Variants in NDRG1 observed in about 807,000 individuals in gnomAD.
NDRG1 encodes N-myc downstream regulated 1.
A neutral mutation model predicts 56.9 loss-of-function variants in NDRG1; 32 were observed. The observed-to-expected ratio is 0.56, with a 90% CI of 0.42 to 0.76. The LOEUF is 0.76. Ranked by LOEUF, NDRG1 falls within the 30% of genes least tolerant of loss-of-function variation. The pLI is 0.00. For missense variants in NDRG1, 507 were observed against 545.7 expected (o/e 0.93, Z 0.71); for synonymous variants, 211 against 204.1 (o/e 1.03, Z -0.29).
At chr8:133,239,148 G>A (rs1855241895) in intron 15 of NDRG1, 29 bp from the exon 16 acceptor site, 3 of 1,550,448 alleles carry the variant, frequency 1.9e-6, no homozygotes, top group Non-Finnish European at 1.7e-6. Context: ...GCCGGTTAGA[G>A]GGCAGGAGAC....
intron 9 of NDRG1, among the ~76,000 whole-genome samples, chr8:133,252,799 G>A (rs964176857): frequency 2.8e-5 from 4 of 145,118 alleles, no homozygotes; most frequent in Admixed American, 6.9e-5. Flanking sequence ...TATTCCCCTC[G>A]TACACTCGCC....
intron 1 of NDRG1, among the ~76,000 whole-genome samples, chr8:133,285,940 C>A (rs1174235020): frequency 2.0e-5 from 3 of 152,208 alleles, no homozygotes; most frequent in Non-Finnish European, 2.9e-5. Flanking sequence ...GCCTAGGGAG[C>A]CTTCCAGAAA....
chr8:133,247,996 C>G (rs1855788034), intron 11 of NDRG1, 70 bp from the exon 12 acceptor site: 1 of 1,462,180 alleles, frequency 6.8e-7, no homozygotes, highest in African/African-American at 1.4e-5. Flanking sequence ...CCAGGCCTGC[C>G]AGGCTGGGGC....
At position 133,244,072 on chromosome 8, in the gene NDRG1, C is replaced by T. The variant is rs148462369; in HGVS notation, c.891+283G>A. 8.0e-3 allele frequency among the ~76,000 whole-genome samples: 1,219 copies of T among 152,280 alleles called. 10 individuals are homozygous for T. Among genetic ancestry groups the T allele is most frequent in the Non-Finnish European group, 0.013 (877 of 68,022 alleles). Reference sequence around the variant, plus strand: ...TGCGGCCCTTCACTCCAGCAGAAGCCCGTGGTCTTTGGGGCAGACATACCC... The same window carrying T: ...TGCGGCCCTTCACTCCAGCAGAAGCTCGTGGTCTTTGGGGCAGACATACCC... On this transcript the variant is annotated intron_variant, in intron 14 of 15. Coordinates refer to ENST00000323851, the MANE Select transcript of NDRG1 (RefSeq NM_006096.4).
intron 3 of NDRG1, among the ~76,000 whole-genome samples, chr8:133,270,708 G>T (rs1392199950): frequency 1.3e-5 from 2 of 152,228 alleles, no homozygotes; most frequent in Non-Finnish European, 2.9e-5. Flanking sequence ...ACTAACTCCA[G>T]CTGGGCTGGG....
chr8:133,269,397 G>C (rs1232585132), intron 3 of NDRG1, among the ~76,000 whole-genome samples: 1 of 152,248 alleles, frequency 6.6e-6, no homozygotes, highest in Non-Finnish European at 1.5e-5. Context: ...TGCTCTGGAA[G>C]AGTCTAGAAA....
chr8:133,291,634 G>C (rs1858434696), intron 1 of NDRG1, among the ~76,000 whole-genome samples: 1 of 152,130 alleles, frequency 6.6e-6, no homozygotes, highest in African/African-American at 2.4e-5. Context: ...TAGAGGTTAG[G>C]GAACTGTATC....
intron 7 of NDRG1, 32 bp from the exon 8 acceptor site, chr8:133,256,895 T>A: frequency 1.9e-6 from 3 of 1,595,074 alleles, no homozygotes. Flanking sequence ...GAGACAGACA[T>A]CCCAGCAATC....
intron 7 of NDRG1, 112 bp downstream of exon 7, chr8:133,258,254 G>C: frequency 9.3e-7 from 1 of 1,070,580 alleles, no homozygotes; most frequent in Non-Finnish European, 1.4e-6. Context: ...CAACTGTGGA[G>C]AATACGGGTC....
At chr8:133,282,400 T>C (rs1051792531) in intron 2 of NDRG1, among the ~76,000 whole-genome samples, 1 of 152,248 alleles carries the variant, frequency 6.6e-6, no homozygotes, top group African/African-American at 2.4e-5. Context: ...TGGAATACTA[T>C]GTACCTAAAA....
chr8:133,263,235 A>T (rs1472115394), intron 4 of NDRG1, among the ~76,000 whole-genome samples: 1 of 152,238 alleles, frequency 6.6e-6, no homozygotes, highest in East Asian at 1.9e-4. Flanking sequence ...GAGATAAAAG[A>T]AGGTGAGAAT....
In NDRG1 at chr8:133,296,374, C is replaced by G. The variant is rs888288939; in HGVS notation, c.-19+760G>C. On this transcript the variant is annotated intron_variant, in intron 1 of 15. Coordinates refer to ENST00000323851, the MANE Select transcript of NDRG1 (RefSeq NM_006096.4). ...CGCCCAGGTCACTTCTCCCACGCCGCCGATGCGCCAATCCCGGGTTCCTCC... is the reference window on the plus strand; with the variant it reads ...CGCCCAGGTCACTTCTCCCACGCCGGCGATGCGCCAATCCCGGGTTCCTCC... 3 of 425,460 alleles carry G rather than the reference C, an allele frequency of 7.1e-6. No homozygotes were observed. In the Admixed American group the frequency reaches 7.4e-5, roughly 11 times the overall value. The allele number at this position is 425,460 out of a possible 1,614,324, so 26.4% of individuals were successfully genotyped here.
chr8:133,250,583 G>C (rs917875550), intron 9 of NDRG1, 40 bp from the exon 10 acceptor site: 5 of 1,532,448 alleles, frequency 3.3e-6, no homozygotes, highest in African/African-American at 2.7e-5. Context: ...TCATCGCACT[G>C]TGGCCCTGAG....
At chr8:133,268,280 T>C (rs1857016012) in intron 3 of NDRG1, among the ~76,000 whole-genome samples, 2 of 152,280 alleles carry the variant, frequency 1.3e-5, no homozygotes, top group South Asian at 2.1e-4. Flanking sequence ...ACTCTGCTCT[T>C]GGATTGGCCA....
chr8:133,280,318 G>C (rs1450063255), intron 2 of NDRG1, 51 bp from the exon 3 acceptor site: 2 of 1,585,912 alleles, frequency 1.3e-6, no homozygotes, highest in Admixed American at 3.3e-5. Context: ...CTCTGTAAGA[G>C]AAATAATATT....
At chr8:133,260,906 C>T (rs1484022563) in intron 5 of NDRG1, among the ~76,000 whole-genome samples, 3 of 152,106 alleles carry the variant, frequency 2.0e-5, no homozygotes, top group Non-Finnish European at 4.4e-5. Context: ...CTGCCACCCC[C>T]ACATGATGCT....
intron 3 of NDRG1, among the ~76,000 whole-genome samples, chr8:133,269,804 C>T (rs1041954062): frequency 1.6e-4 from 25 of 152,248 alleles, no homozygotes; most frequent in African/African-American, 5.5e-4. Context: ...ACCTCCCCAG[C>T]GTCTCCAAGG....
rs946208674 is a variant in NDRG1 at position 133,247,779 on chromosome 8, C to T, written c.807+96G>A. 4.0e-5 allele frequency: 52 copies of T among 1,293,196 alleles called. No homozygotes were observed. The African/African-American group carries it at 4.8e-4, about 12-fold the overall frequency. 80.1% of individuals were successfully genotyped at this position (1,293,196 alleles called of 1,614,324 possible). A position where few individuals can be genotyped will look rare whatever the true frequency, so the allele number is the denominator to read the frequency against. ...AAAAACATCACCTGCCCTGATGGGG[C>T]AGAGGAGAGGAGGGGCAGGCAGGGC... On this transcript the variant is annotated intron_variant, in intron 12 of 15. Coordinates refer to ENST00000323851, the MANE Select transcript of NDRG1 (RefSeq NM_006096.4).
rs1856692084 is a variant in NDRG1, at chr8:133,262,152, T to C, written c.221A>G (p.Asn74Ser). 1 of 1,613,344 alleles carries C rather than the reference T, an allele frequency of 6.2e-7. No individual in the cohort carries two copies. Among genetic ancestry groups the C allele is most frequent in the Non-Finnish European group, 8.5e-7 (1 of 1,179,932 alleles). ...DIGMNHKTCY[N>S]PLFNYEDMQE... The stretch of plus-strand genomic sequence containing the variant: ...CATGTCCTCGTAGTTGAAGAGGGGG[T>C]TGTAGCAGGTTTTGTCTGAAGAACA... Residue 74 changes from asparagine (N) to serine (S), a missense_variant, in exon 5 of 16, where the codon AAC becomes AGC. Coordinates refer to ENST00000323851, the MANE Select transcript of NDRG1 (RefSeq NM_006096.4).
Sources: gnomAD v4.1 joint callset for allele counts (sites outside exome capture counted in the v4.1 genomes callset) on GRCh38, gnomAD v4.1.1 for gene constraint, MANE v1.5 for transcripts, NCBI Gene and HGNC (gene_info 2026-07-23, HGNC 2026-07-21) for gene names.